The following DLST variants were observed in gnomAD, a reference collection of about 807,000 sequenced individuals.
DLST encodes the protein dihydrolipoamide S-succinyltransferase.
Under a neutral mutation model 53.1 loss-of-function variants are expected in DLST, and 17 were observed. That is an observed-to-expected ratio of 0.32 (90% CI 0.22 to 0.48). The LOEUF (loss-of-function observed/expected upper bound fraction) is 0.48. Ranked by LOEUF, DLST falls within the 20% of genes least tolerant of loss-of-function variation. The pLI is 0.99. For synonymous variants in DLST, 206 were observed against 204.8 expected (o/e 1.01, Z -0.05); for missense variants, 512 against 583.9 (o/e 0.88, Z 1.27).
At chr14:74,893,455 A>C in intron 9 of DLST, 31 bp downstream of exon 9, 2 of 1,613,060 alleles carry the variant, frequency 1.2e-6, no homozygotes, top group Non-Finnish European at 8.5e-7. Context: ...TTCAGGAAAG[A>C]GGCAGGGGGC....
At position 74,881,994 on chromosome 14, in the gene DLST, G is replaced by T; in HGVS notation, c.41G>T (p.Arg14Leu). ...CGCTGTGTGTCTCGGGCGTTCAGCC[G>T]CTCGCTCTCCGCCTTCCAGAAGGTA... The part of the protein sequence containing the change: ...RSRCVSRAFS[R>L]SLSAFQKGNC... The change falls in exon 1 of 15, where the codon CGC becomes CTC. Residue 14 changes from arginine to leucine, a missense_variant. Arg to Leu is a moderately radical substitution (Grantham distance 102, BLOSUM62 -2). Transcript: ENST00000334220. 1 of 1,571,876 alleles carries T rather than the reference G, an allele frequency of 6.4e-7. No homozygotes were observed. The highest frequency in any genetic ancestry group is 1.7e-5 in the Admixed American group (1 of 57,488).
intron 2 of DLST, 104 bp from the exon 3 acceptor site, chr14:74,885,482 C>T: frequency 8.7e-7 from 1 of 1,156,032 alleles, no homozygotes. Context: ...TGCCGTTGAT[C>T]CTGCTCTGTC....
intron 2 of DLST, among the ~76,000 whole-genome samples, chr14:74,883,332 G>A (rs371112354): frequency 4.8e-4 from 73 of 151,276 alleles, no homozygotes; most frequent in African/African-American, 1.7e-3. Context: ...CTAGCAGAAT[G>A]TGACGGAGCT....
At position 74,885,631 on chromosome 14, in the gene DLST, T is replaced by C; in HGVS notation, c.143T>C (p.Val48Ala). Residue 48 changes from valine (V) to alanine (A), a missense_variant, in exon 3 of 15, where the codon GTT becomes GCT. Physicochemically the swap from Val to Ala is moderately conservative, Grantham distance 64 (BLOSUM62 0). Transcript: ENST00000334220. ...QGPGYPNSRK[V>A]VINNSVFSVR... The stretch of plus-strand genomic sequence containing the variant: ...CCAGGTTACCCTAACAGCAGGAAGG[T>C]TGTGTAAGTATCACTGGGGAGTACA... 1 of 1,612,994 alleles carries C rather than the reference T, an allele frequency of 6.2e-7. No homozygotes were observed. The highest frequency in any genetic ancestry group is 2.2e-5 in the East Asian group (1 of 44,882).
At chr14:74,884,186 A>G (rs1200335504) in intron 2 of DLST, among the ~76,000 whole-genome samples, 1 of 152,244 alleles carries the variant, frequency 6.6e-6, no homozygotes, top group African/African-American at 2.4e-5. Context: ...TTGACCAGTG[A>G]TAGACATGGG....
At chr14:74,895,717 TG>T (rs1884056702) in intron 10 of DLST, among the ~76,000 whole-genome samples, 1 of 152,070 alleles carries the variant, frequency 6.6e-6, no homozygotes, top group Admixed American at 6.5e-5. Flanking sequence ...CTGGCCAACG[TG>T]GTGAAACTCT....
chr14:74,896,416 G>C (rs986062188), intron 10 of DLST, among the ~76,000 whole-genome samples: 1 of 152,202 alleles, frequency 6.6e-6, no homozygotes, highest in African/African-American at 2.4e-5. Context: ...CAAGTCTCAG[G>C]TCATCTCTTT....
chr14:74,891,437 A>G lies in DLST; in HGVS notation c.442+270A>G, dbSNP rs1273089850. 1.7e-5 allele frequency: 19 copies of G among 1,110,650 alleles called. No individual in the cohort carries two copies. The Middle Eastern group carries it at 1.6e-3, about 91-fold the overall frequency. 68.8% of individuals were successfully genotyped at this position (1,110,650 alleles called of 1,614,324 possible). On this transcript the variant is annotated intron_variant, in intron 7 of 14. Coordinates refer to ENST00000334220, the MANE Select transcript of DLST (RefSeq NM_001933.5). ...TGAGAAACTGGACCTTTTCTTATAG[A>G]TATACAGATTGAGCATACCTAATCT... is the stretch of plus-strand genomic sequence containing the variant.
At position 74,902,311 on chromosome 14, in the gene DLST, T is replaced by C. The variant is rs201182143; in HGVS notation, c.1343T>C (p.Val448Ala). Residue 448 changes from valine to alanine, a missense_variant, in exon 15 of 15, where the codon GTC becomes GCC. Around this residue, in one of 4 missense-constraint regions of DLST, gnomAD observed 186 missense variants for 260.4 expected, o/e 0.71. Coordinates refer to ENST00000334220, the MANE Select transcript of DLST (RefSeq NM_001933.5). ...KIKAAVEDPRVLLLDL is the reference protein window; with the variant it reads ...KIKAAVEDPRALLLDL Reference sequence around the variant, plus strand: ...AAGGCAGCGGTAGAGGATCCCAGAGTCCTCCTCCTGGATCTTTAGGAGGAA... The same window carrying C: ...AAGGCAGCGGTAGAGGATCCCAGAGCCCTCCTCCTGGATCTTTAGGAGGAA... 266 of 1,611,644 alleles carry C rather than the reference T, an allele frequency of 1.7e-4. 2 individuals are homozygous for C. The highest frequency in any genetic ancestry group is 1.2e-3 in the Middle Eastern group (6 of 5,184).
rs1883965098 is a variant in DLST, at chr14:74,893,067, G to A, written c.595+81G>A. ...TTCAAAGGGTAAACTCTAGACTGAT[G>A]ATGGTTCTGAACAGGCCAGGTTGGC... On this transcript the variant is annotated intron_variant, in intron 8 of 14. Coordinates refer to ENST00000334220, the MANE Select transcript of DLST (RefSeq NM_001933.5). The A allele has an allele frequency of 3.4e-6, 5 of 1,488,840 alleles. No homozygotes were observed. The South Asian group carries it at 6.7e-5, about 20-fold the overall frequency. The allele number at this position is 1,488,840 out of a possible 1,614,324, so 92.2% of individuals were successfully genotyped here.
intron 2 of DLST, among the ~76,000 whole-genome samples, chr14:74,883,381 A>G (rs1883598912): frequency 6.6e-6 from 1 of 152,176 alleles, no homozygotes. Flanking sequence ...TGGCATTCAC[A>G]AAGACCCTGA....
intron 5 of DLST, chr14:74,889,665 G>C: frequency 1.8e-6 from 1 of 559,250 alleles, no homozygotes; most frequent in East Asian, 3.0e-5. Flanking sequence ...GAGCCACTGC[G>C]TGAGCCACTG....
chr14:74,897,938 GTTTT>G (rs60311929), intron 10 of DLST, among the ~76,000 whole-genome samples: 1 of 136,968 alleles, frequency 7.3e-6, no homozygotes, highest in African/African-American at 2.7e-5. Flanking sequence ...ATTTGGTGGG[GTTTT>G]TTTTTTTTTT....
chr14:74,896,087 AG>A (rs958536597), intron 10 of DLST, among the ~76,000 whole-genome samples: 3 of 152,146 alleles, frequency 2.0e-5, no homozygotes, highest in African/African-American at 7.2e-5. Context: ...CTGAACGTCT[AG>A]GGTCAAGCCA....
Position 74,882,007 on chromosome 14 carries a change from C to T in DLST, c.54C>T (p.Ala18=), listed in dbSNP as rs1235651327. The T allele has an allele frequency of 1.3e-6, 2 of 1,572,212 alleles. No individual in the cohort carries two copies. Among genetic ancestry groups the T allele is most frequent in the African/African-American group, 2.7e-5 (2 of 73,206 alleles). ...VSRAFSRSLS[A]FQKGNCPLGR... Reference sequence around the variant, plus strand: ...GGGCGTTCAGCCGCTCGCTCTCCGCCTTCCAGAAGGTACGGTCTGGCCGAG... The same window carrying T: ...GGGCGTTCAGCCGCTCGCTCTCCGCTTTCCAGAAGGTACGGTCTGGCCGAG... Residue 18 remains alanine, a synonymous_variant, in exon 1 of 15, where the codon GCC becomes GCT. Transcript: ENST00000334220.
At chr14:74,885,750 G>A (rs1056773098) in intron 3 of DLST, 116 bp downstream of exon 3, 12 of 951,830 alleles carry the variant, frequency 1.3e-5, no homozygotes, top group Non-Finnish European at 1.9e-5. Context: ...AAATTGAGGT[G>A]ATTATGTTGA....
intron 9 of DLST, 46 bp from the exon 10 acceptor site, chr14:74,894,266 C>T (rs1487658299): frequency 6.2e-7 from 1 of 1,607,914 alleles, no homozygotes; most frequent in East Asian, 2.2e-5. Flanking sequence ...GAATGCTTGA[C>T]CCAGAGAGAT....
At chr14:74,883,022 C>T (rs1883582856) in intron 2 of DLST, among the ~76,000 whole-genome samples, 1 of 152,114 alleles carries the variant, frequency 6.6e-6, no homozygotes, top group Non-Finnish European at 1.5e-5. Context: ...TGGCCGGGCG[C>T]GGTGGCTGAC....
intron 8 of DLST, 71 bp downstream of exon 8, chr14:74,893,057 C>T (rs1416637188): frequency 7.0e-7 from 1 of 1,422,604 alleles, no homozygotes; most frequent in Non-Finnish European, 9.3e-7. Flanking sequence ...AGGGTAAACT[C>T]TAGACTGATG....
Sources: allele counts gnomAD v4.1 joint callset (sites outside exome capture counted in the v4.1 genomes callset), GRCh38; gene constraint gnomAD v4.1.1; regional missense constraint gnomAD v4.1.1; transcripts MANE v1.5; gene names NCBI Gene and HGNC (gene_info 2026-07-23, HGNC 2026-07-21).